SEMA5A: variants seen among roughly 807,000 people sequenced by gnomAD.
SEMA5A encodes the protein semaphorin 5A, also known as semaphorin-5A.
A neutral mutation model predicts 135.5 loss-of-function variants in SEMA5A; 55 were observed. The observed-to-expected ratio is 0.41, with a 90% CI of 0.33 to 0.51. SEMA5A has a LOEUF of 0.51. Ranked by LOEUF, SEMA5A falls within the 20% of genes least tolerant of loss-of-function variation. The probability of loss-of-function intolerance (pLI) is 0.37; values close to 1 mark genes in which losing one functional copy is unlikely to be tolerated. For missense variants in SEMA5A, 1,290 were observed against 1,419.9 expected (o/e 0.91, Z 1.47); for synonymous variants, 580 against 546.5 (o/e 1.06, Z -0.85).
chr5:9,316,746 G>A (rs542187239), intron 5 of SEMA5A, among the ~76,000 whole-genome samples: 1 of 152,050 alleles, frequency 6.6e-6, no homozygotes, highest in East Asian at 1.9e-4. Flanking sequence ...GCTAAATCAA[G>A]CTAATTAATA....
chr5:9,311,122 CAG>C (rs765385844), intron 5 of SEMA5A, among the ~76,000 whole-genome samples: 26 of 137,702 alleles, frequency 1.9e-4, no homozygotes, highest in Non-Finnish European at 3.5e-4. Context: ...TGTTAGCATT[CAG>C]AGTCAGGTAA....
At chr5:9,054,494 C>T (rs1736780634) in intron 18 of SEMA5A, among the ~76,000 whole-genome samples, 1 of 152,302 alleles carries the variant, frequency 6.6e-6, no homozygotes, top group Non-Finnish European at 1.5e-5. Context: ...CCTCCCTACA[C>T]TTTTTCAGTT....
At chr5:9,158,238 TAGTC>T (rs1743061333) in intron 11 of SEMA5A, among the ~76,000 whole-genome samples, 1 of 152,168 alleles carries the variant, frequency 6.6e-6, no homozygotes, top group Non-Finnish European at 1.5e-5. Flanking sequence ...GTTATGATAT[TAGTC>T]AGTGTGAAGG....
intron 4 of SEMA5A, among the ~76,000 whole-genome samples, chr5:9,325,195 G>A (rs1378692303): frequency 6.6e-6 from 1 of 150,890 alleles, no homozygotes; most frequent in African/African-American, 2.4e-5. Flanking sequence ...TATGGCTATA[G>A]CAAATAAAAA....
intron 16 of SEMA5A, among the ~76,000 whole-genome samples, chr5:9,070,441 T>G (rs962505673): frequency 6.6e-6 from 1 of 152,226 alleles, no homozygotes; most frequent in South Asian, 2.1e-4. Flanking sequence ...TCTTTAGGTC[T>G]TAACAAATGC....
intron 1 of SEMA5A, among the ~76,000 whole-genome samples, chr5:9,533,740 G>A (rs1737586877): frequency 6.6e-6 from 1 of 152,240 alleles, no homozygotes; most frequent in African/African-American, 2.4e-5. Flanking sequence ...AATTCCTTTA[G>A]CTTTCTACCA....
At chr5:9,405,950 A>G (rs1283267718) in intron 2 of SEMA5A, among the ~76,000 whole-genome samples, 5 of 152,204 alleles carry the variant, frequency 3.3e-5, no homozygotes, top group Non-Finnish European at 7.3e-5. Flanking sequence ...GCCAGCAGAA[A>G]CAACAAGATG....
intron 1 of SEMA5A, among the ~76,000 whole-genome samples, chr5:9,475,805 T>C (rs537482689): frequency 6.6e-6 from 1 of 152,216 alleles, no homozygotes; most frequent in Non-Finnish European, 1.5e-5. Context: ...AAGTGCTCCA[T>C]TAATGTGATT....
chr5:9,221,450 C>A (rs1284030490), intron 8 of SEMA5A, among the ~76,000 whole-genome samples: 1 of 151,206 alleles, frequency 6.6e-6, no homozygotes, highest in East Asian at 1.9e-4. Context: ...CTACAGGCGC[C>A]CACCACCACG....
chr5:9,449,908 A>T (rs541818629), intron 1 of SEMA5A, among the ~76,000 whole-genome samples: 1 of 152,260 alleles, frequency 6.6e-6, no homozygotes, highest in Non-Finnish European at 1.5e-5. Context: ...TTTCCTCACA[A>T]TAAAATTCTC....
intron 2 of SEMA5A, among the ~76,000 whole-genome samples, chr5:9,431,751 T>A (rs1349967961): frequency 6.6e-6 from 1 of 152,196 alleles, no homozygotes; most frequent in African/African-American, 2.4e-5. Flanking sequence ...GAGAGGGCAG[T>A]ATCCTTACGT....
Position 9,227,050 on chromosome 5 carries a change from A to G in SEMA5A, c.334-83T>C, listed in dbSNP as rs558163886. 6.3e-5 allele frequency: 38 copies of G among 601,258 alleles called. No individual in the cohort carries two copies. The East Asian group carries it at 1.1e-3, about 17-fold the overall frequency. 37.2% of individuals were successfully genotyped at this position (601,258 alleles called of 1,614,324 possible). On this transcript the variant is annotated intron_variant, in intron 6 of 22. Coordinates refer to ENST00000382496, the MANE Select transcript of SEMA5A (RefSeq NM_003966.3). The stretch of plus-strand genomic sequence containing the variant: ...ATGCTAACAAAGTCTGAGCACAAGA[A>G]GAATGGTGAGAAGGAATACATTTTA...
rs142581563 is a variant in SEMA5A, at chr5:9,255,320, T to C, written c.271-17430A>G. 2.1e-3 allele frequency among the ~76,000 whole-genome samples: 314 copies of C among 152,314 alleles called. 2 individuals carry two copies. Among genetic ancestry groups the C allele is most frequent in the African/African-American group, 7.1e-3 (294 of 41,578 alleles). ...CACAATCATCCATCTGCATTTGTCA[T>C]AGCTGGTCAACATGCAGGGTCCACA... On this transcript the variant is annotated intron_variant, in intron 5 of 22. Coordinates refer to ENST00000382496, the MANE Select transcript of SEMA5A (RefSeq NM_003966.3).
chr5:9,302,698 T>G (rs756052811), intron 5 of SEMA5A, among the ~76,000 whole-genome samples: 5 of 152,108 alleles, frequency 3.3e-5, no homozygotes, highest in Non-Finnish European at 5.9e-5. Context: ...CTTTAGAAAT[T>G]GACATAGAAC....
intron 2 of SEMA5A, among the ~76,000 whole-genome samples, chr5:9,408,201 TCAC>T (rs1327394754): frequency 2.0e-5 from 3 of 151,560 alleles, no homozygotes; most frequent in Non-Finnish European, 4.4e-5. Flanking sequence ...ACCACCACCA[TCAC>T]CACCACCACC....
chr5:9,059,183 T>TA (rs994260870), intron 18 of SEMA5A, among the ~76,000 whole-genome samples: 12 of 152,028 alleles, frequency 7.9e-5, no homozygotes, highest in Non-Finnish European at 1.6e-4. Flanking sequence ...TTTTTTTTTT[T>TA]ATACTTTAAG....
chr5:9,285,595 G>A (rs1203884188), intron 5 of SEMA5A, among the ~76,000 whole-genome samples: 2 of 152,202 alleles, frequency 1.3e-5, no homozygotes, highest in East Asian at 3.8e-4. Context: ...CTCCAAGCCA[G>A]ACTTAAACAC....
At chr5:9,475,734 GAA>G (rs939875909) in intron 1 of SEMA5A, among the ~76,000 whole-genome samples, 31 of 152,156 alleles carry the variant, frequency 2.0e-4, no homozygotes, top group Admixed American at 1.5e-3. Context: ...TCTATAGCAG[GAA>G]AAAAGAGTCT....
At position 9,201,886 on chromosome 5, in the gene SEMA5A, G is replaced by A. The variant is rs1357325898; in HGVS notation, c.932+69C>T. On this transcript the variant is annotated intron_variant, in intron 9 of 22. Coordinates refer to ENST00000382496, the MANE Select transcript of SEMA5A (RefSeq NM_003966.3). ...CTAAAGTAAATTTAAAACCTCAGAGGTCAAAGAACAGAAGACTTATTCAGA... is the reference window on the plus strand; with the variant it reads ...CTAAAGTAAATTTAAAACCTCAGAGATCAAAGAACAGAAGACTTATTCAGA... The A allele has an allele frequency of 6.2e-6, 9 of 1,441,054 alleles. No homozygotes were observed. In the East Asian group the frequency reaches 2.1e-4, roughly 33 times the overall value. 89.3% of individuals were successfully genotyped at this position (1,441,054 alleles called of 1,614,324 possible).
Sources: gnomAD v4.1 joint callset for allele counts (sites outside exome capture counted in the v4.1 genomes callset) on GRCh38, gnomAD v4.1.1 for gene constraint, MANE v1.5 for transcripts, NCBI Gene and HGNC (gene_info 2026-07-23, HGNC 2026-07-21) for gene names.